The following MGMT variants were observed in gnomAD, a reference collection of about 807,000 sequenced individuals.
MGMT encodes the protein methylated-DNA--protein-cysteine methyltransferase.
In MGMT, 14 loss-of-function variants were observed where a neutral mutation model predicts 15.9. That is an observed-to-expected ratio of 0.88 (90% CI 0.58 to 1.37). The LOEUF (loss-of-function observed/expected upper bound fraction) is 1.37, where lower values mean the gene tolerates loss of function less well. MGMT is among the 40% of genes most tolerant of loss of function. The pLI is 0.00. For synonymous variants in MGMT, 130 were observed against 118.2 expected, an observed-to-expected ratio of 1.10 and a Z score of -0.65; for missense variants, 282 against 268.1, an observed-to-expected ratio of 1.05 and a Z score of -0.36.
chr10:129,488,803 A>G (rs73378886), intron 1 of MGMT, among the ~76,000 whole-genome samples: 7,720 of 152,208 alleles, frequency 0.051, 555 homozygotes, highest in African/African-American at 0.16. Context: ...AGCCCCATGT[A>G]TAGAGTAACC....
In MGMT at chr10:129,768,821, G is replaced by A. The variant is rs1048059371; in HGVS notation, c.*1824G>A. On this transcript the variant is annotated 3_prime_UTR_variant, in exon 5 of 5. Transcript: ENST00000651593. Reference sequence around the variant, plus strand: ...CTGGGCGGCACCCCGATGGCTCCCTGTGCTCCCTGAGACCCTACAGGCCGC... The same window carrying A: ...CTGGGCGGCACCCCGATGGCTCCCTATGCTCCCTGAGACCCTACAGGCCGC... 9.2e-5 allele frequency: 14 copies of A among 152,432 alleles called. No homozygotes were observed. Among genetic ancestry groups the A allele is most frequent in the African/African-American group, 3.1e-4 (13 of 41,464 alleles). 9.4% of individuals were successfully genotyped at this position (152,432 alleles called of 1,614,324 possible). A position where few individuals can be genotyped will look rare whatever the true frequency, so the allele number is the denominator to read the frequency against.
chr10:129,734,544 C>T (rs534816686), intron 3 of MGMT, among the ~76,000 whole-genome samples: 6 of 152,004 alleles, frequency 3.9e-5, no homozygotes, highest in African/African-American at 1.4e-4. Context: ...TAATTGAATA[C>T]CCTTTATTTC....
At chr10:129,731,470 C>G (rs1206921479) in intron 3 of MGMT, among the ~76,000 whole-genome samples, 2 of 143,896 alleles carry the variant, frequency 1.4e-5, no homozygotes, top group Non-Finnish European at 3.0e-5. Flanking sequence ...TCAAGAGATT[C>G]TTCTGCCTCA....
chr10:129,652,578 CG>C (rs1452012982), intron 2 of MGMT, among the ~76,000 whole-genome samples: 2 of 152,248 alleles, frequency 1.3e-5, no homozygotes, highest in Non-Finnish European at 2.9e-5. Flanking sequence ...AAGAAAGCAT[CG>C]GCACTCAGAG....
chr10:129,535,869 G>C (rs1269531433), intron 1 of MGMT, among the ~76,000 whole-genome samples: 1 of 152,198 alleles, frequency 6.6e-6, no homozygotes, highest in Non-Finnish European at 1.5e-5. Flanking sequence ...TTTATTGTCT[G>C]TGGTAGTTGT....
In MGMT at chr10:129,644,577, G is replaced by A. The variant is rs766588347; in HGVS notation, c.126-63318G>A. ...GTTCCCCCCCTGAGGCCTGGTGAGA[G>A]CCCGTGGAAGGGCCGAGCCTGGGGA... On this transcript the variant is annotated intron_variant, in intron 2 of 4. Transcript: ENST00000651593. 7.8e-4 allele frequency among the ~76,000 whole-genome samples: 119 copies of A among 152,290 alleles called. 2 individuals are homozygous for A. Among genetic ancestry groups the A allele is most frequent in the Admixed American group, 4.8e-3 (74 of 15,300 alleles).
intron 2 of MGMT, among the ~76,000 whole-genome samples, chr10:129,635,720 G>A (rs74376106): frequency 0.026 from 3,904 of 152,270 alleles, 79 homozygotes; most frequent in South Asian, 0.061. Flanking sequence ...AGCACTTTTT[G>A]AGGCAGGGAG....
intron 2 of MGMT, among the ~76,000 whole-genome samples, chr10:129,609,839 C>T (rs1404995093): frequency 1.3e-5 from 2 of 152,044 alleles, no homozygotes; most frequent in African/African-American, 2.4e-5. Context: ...GACACCACCA[C>T]GGGAGGCAGG....
chr10:129,643,686 A>G (rs938068010), intron 2 of MGMT, among the ~76,000 whole-genome samples: 5 of 152,164 alleles, frequency 3.3e-5, no homozygotes, highest in African/African-American at 4.8e-5. Flanking sequence ...GATTTCTTCA[A>G]TGTTCACAGT....
chr10:129,511,166 A>G (rs1165207742), intron 1 of MGMT, among the ~76,000 whole-genome samples: 1 of 145,276 alleles, frequency 6.9e-6, no homozygotes, highest in Non-Finnish European at 1.5e-5. Flanking sequence ...AACCCGGTAT[A>G]TTAGATGCAG....
intron 1 of MGMT, among the ~76,000 whole-genome samples, chr10:129,469,748 C>T (rs1408292406): frequency 6.6e-6 from 1 of 152,126 alleles, no homozygotes; most frequent in Non-Finnish European, 1.5e-5. Flanking sequence ...GGTCTTTCGC[C>T]CAGGCTGGAG....
At chr10:129,750,262 T>G (rs1331659052) in intron 3 of MGMT, among the ~76,000 whole-genome samples, 1 of 152,184 alleles carries the variant, frequency 6.6e-6, no homozygotes, top group African/African-American at 2.4e-5. Context: ...AGGTCCATGA[T>G]CCATTTTGAG....
chr10:129,585,285 A>G (rs1259189192), intron 2 of MGMT, among the ~76,000 whole-genome samples: 1 of 152,222 alleles, frequency 6.6e-6, no homozygotes, highest in Non-Finnish European at 1.5e-5. Flanking sequence ...ACAGAAGGCC[A>G]CAGAGGGAGG....
intron 2 of MGMT, among the ~76,000 whole-genome samples, chr10:129,677,033 A>G (rs988759586): frequency 1.3e-5 from 2 of 152,190 alleles, no homozygotes; most frequent in Non-Finnish European, 2.9e-5. Flanking sequence ...TCAGCGTGCT[A>G]GTAGTAACCA....
chr10:129,612,550 G>C (rs1294454081), intron 2 of MGMT, among the ~76,000 whole-genome samples: 2 of 152,218 alleles, frequency 1.3e-5, no homozygotes, highest in Non-Finnish European at 2.9e-5. Context: ...GACATGAAGT[G>C]AGTTAATGCA....
chr10:129,740,834 A>T (rs1354123222), intron 3 of MGMT, among the ~76,000 whole-genome samples: 5 of 152,194 alleles, frequency 3.3e-5, no homozygotes, highest in Admixed American at 2.6e-4. Context: ...AGGAGAAAGC[A>T]CACTGAACCG....
chr10:129,644,511 C>G (rs1000169367), intron 2 of MGMT, among the ~76,000 whole-genome samples: 2 of 152,118 alleles, frequency 1.3e-5, no homozygotes, highest in African/African-American at 2.4e-5. Flanking sequence ...TTGAAGGGGT[C>G]CCACTGCAAA....
At chr10:129,582,577 T>G (rs1453037401) in intron 2 of MGMT, among the ~76,000 whole-genome samples, 1 of 152,158 alleles carries the variant, frequency 6.6e-6, no homozygotes, top group African/African-American at 2.4e-5. Flanking sequence ...AAAGTCTGGT[T>G]GTTGTTTTTT....
chr10:129,577,511 CT>C (rs1227613184), intron 2 of MGMT, among the ~76,000 whole-genome samples: 1 of 152,154 alleles, frequency 6.6e-6, no homozygotes, highest in Non-Finnish European at 1.5e-5. Context: ...GGATCCCTTC[CT>C]TACACCTTAT....
Sources: allele counts gnomAD v4.1 joint callset (sites outside exome capture counted in the v4.1 genomes callset), GRCh38; gene constraint gnomAD v4.1.1; transcripts MANE v1.5; gene names NCBI Gene and HGNC (gene_info 2026-07-23, HGNC 2026-07-21).